Variants in ODF2 observed in about 807,000 individuals in gnomAD.
The protein encoded by ODF2 is outer dense fiber of sperm tails 2, also known as outer dense fiber protein 2.
In ODF2, 47 loss-of-function variants were observed where a neutral mutation model predicts 110.2. The observed-to-expected ratio is 0.43, with a 90% confidence interval of 0.34 to 0.54. ODF2 has a LOEUF of 0.54. Ranked by LOEUF, ODF2 falls within the 20% of genes least tolerant of loss-of-function variation. The pLI is 0.03. For missense variants in ODF2, 812 were observed against 1,054.5 expected (o/e 0.77, Z 3.19); for synonymous variants, 352 against 397.7 (o/e 0.89, Z 1.37).
intron 8 of ODF2, among the ~76,000 whole-genome samples, chr9:128,477,489 C>T (rs377556037): frequency 1.9e-3 from 287 of 152,118 alleles, no homozygotes; most frequent in African/African-American, 5.8e-3. Flanking sequence ...GTCAAGGCTA[C>T]AGTGAGCTGA....
At chr9:128,459,720 C>T (rs1055193280) in intron 3 of ODF2, 63 bp downstream of exon 2, 12 of 1,301,976 alleles carry the variant, frequency 9.2e-6, no homozygotes, top group African/African-American at 2.9e-5. Context: ...TTTTGCACAC[C>T]GTTTCTAGGA....
intron 4 of ODF2, among the ~76,000 whole-genome samples, chr9:128,466,187 CG>C: frequency 6.6e-6 from 1 of 151,708 alleles, no homozygotes; most frequent in East Asian, 1.9e-4. Context: ...GAGGACTGGC[CG>C]GGCCTGGTGT....
chr9:128,455,214 A>C, upstream of ODF2: 3 of 1,535,466 alleles, frequency 2.0e-6, no homozygotes, highest in Non-Finnish European at 2.6e-6. Context: ...ACCAGCAAGG[A>C]CCTCATCAGA....
chr9:128,487,558 C>T (rs868395075), intron 13 of ODF2, among the ~76,000 whole-genome samples: 4 of 151,984 alleles, frequency 2.6e-5, no homozygotes, highest in Admixed American at 6.6e-5. Context: ...GAGGCCGAGG[C>T]GGGCAGATCA....
At chr9:128,460,264 C>T in intron 3 of ODF2, 2 of 1,350,630 alleles carry the variant, frequency 1.5e-6, no homozygotes, top group Non-Finnish European at 1.9e-6. Context: ...GCCCTAAGAA[C>T]CCTGGGGCCG....
chr9:128,461,947 A>G (rs1015368593), intron 4 of ODF2, among the ~76,000 whole-genome samples: 1 of 152,166 alleles, frequency 6.6e-6, no homozygotes, highest in African/African-American at 2.4e-5. Context: ...TGACCAGTAC[A>G]ATAAATTAAA....
rs1845581203 is a variant in ODF2, at chr9:128,496,502, AG to A, written c.2012+362del. 2.0e-5 allele frequency among the ~76,000 whole-genome samples: 3 copies of A among 152,332 alleles called. No homozygotes were observed. The South Asian group carries it at 6.2e-4, about 32-fold the overall frequency. On this transcript the variant is annotated intron_variant, in intron 18 of 20. Transcript: ENST00000604420. ...CCACTCTTTTCTGCCCTTTCTTGCC[AG>A]TCACCCTTCCCAAGACCTTTCTGAT...
At position 128,494,666 on chromosome 9, in the gene ODF2, C is replaced by T. The variant is rs1467401639; in HGVS notation, c.1909C>T (p.Arg637Trp). The T allele has an allele frequency of 5.6e-6, 9 of 1,614,176 alleles. No homozygotes were observed. Among genetic ancestry groups the T allele is most frequent in the Admixed American group, 1.7e-5 (1 of 60,014 alleles). The change falls in exon 17 of 21, where the codon CGG becomes TGG. Residue 637 changes from arginine (R) to tryptophan (W), a missense_variant and splice_region_variant. Coordinates refer to ENST00000604420, the Ensembl canonical transcript of ODF2. This position sits in a 1 kb window ranked among gnomAD's most constrained non-coding sequence, Gnocchi z 4.6. ...AGCCATCATATCAGACCTGCGCAGCCGGGTAAGGGACTGGCAGAAAGGGTC... is the reference window on the plus strand; with the variant it reads ...AGCCATCATATCAGACCTGCGCAGCTGGGTAAGGGACTGGCAGAAAGGGTC...
chr9:128,483,659 T>C (rs543821322), intron 10 of ODF2, among the ~76,000 whole-genome samples: 4 of 150,806 alleles, frequency 2.7e-5, no homozygotes, highest in Non-Finnish European at 5.9e-5. Flanking sequence ...CCGAGGCAGG[T>C]GGATCACTTG....
chr9:128,481,658 A>G lies in ODF2; in HGVS notation c.915+7A>G. On this transcript the variant is annotated splice_region_variant and intron_variant, in intron 9 of 20. Transcript: ENST00000604420. ...GGCCGACTCAGAGAAAGCGGTAACT[A>G]AGGCTGCCCTTGTCTACTCTAGTGG... 1 of 1,612,648 alleles carries G rather than the reference A, an allele frequency of 6.2e-7. No homozygotes were observed. The highest frequency in any genetic ancestry group is 1.1e-5 in the South Asian group (1 of 91,028).
At chr9:128,472,767 CA>C (rs1840344469) in intron 6 of ODF2, 145 bp from the exon 7 acceptor site, 1 of 1,262,794 alleles carries the variant, frequency 7.9e-7, no homozygotes, top group Non-Finnish European at 1.1e-6. Context: ...TTCTGAAGGC[CA>C]CCCAGGCCAG....
In ODF2 at chr9:128,460,785, G is replaced by A. The variant is rs746691903; in HGVS notation, c.124-157G>A. 2.6e-5 allele frequency: 40 copies of A among 1,515,276 alleles called. No homozygotes were observed. In the Middle Eastern group the frequency reaches 1.1e-3, roughly 40 times the overall value. 93.9% of individuals were successfully genotyped at this position (1,515,276 alleles called of 1,614,324 possible). A position where few individuals can be genotyped will look rare whatever the true frequency, so the allele number is the denominator to read the frequency against. ...AGACAAACACACTCTTTCGGAGGCCGGTTTCCTGGTTAGAAGGTAGGCAGG... is the reference window on the plus strand; with the variant it reads ...AGACAAACACACTCTTTCGGAGGCCAGTTTCCTGGTTAGAAGGTAGGCAGG... On this transcript the variant is annotated intron_variant, in intron 3 of 20. Coordinates refer to ENST00000604420, the Ensembl canonical transcript of ODF2.
chr9:128,457,136 T>G, intron 1 of ODF2: 26 of 1,338,526 alleles, frequency 1.9e-5, no homozygotes, highest in East Asian at 1.9e-4. Flanking sequence ...CCCCGTCCCC[T>G]CCCCTTCCTC....
At chr9:128,467,066 T>A (rs1394537838) in intron 4 of ODF2, among the ~76,000 whole-genome samples, 7 of 103,078 alleles carry the variant, frequency 6.8e-5, no homozygotes, top group African/African-American at 2.6e-4. Flanking sequence ...TAGTCATATA[T>A]CAATTAACAA....
At chr9:128,497,441 AAAAAAATATATATATATATATAT>A (rs1210292770) in intron 18 of ODF2, 10 of 90,854 alleles carry the variant, frequency 1.1e-4, no homozygotes, top group African/African-American at 3.9e-4. Context: ...AAAAAAAAAA[AAAAAAATATATATATATATATAT>A]ATATATATAT....
chr9:128,499,891 T>C (rs1038562350), intron 20 of ODF2, among the ~76,000 whole-genome samples, 176 bp from the exon 21 acceptor site: 1 of 152,224 alleles, frequency 6.6e-6, no homozygotes, highest in Non-Finnish European at 1.5e-5. Context: ...ATTATAGGCA[T>C]GAGCCACTGT....
chr9:128,473,126 A>G (rs965660690), intron 7 of ODF2, 84 bp downstream of exon 7: 4 of 1,585,734 alleles, frequency 2.5e-6, no homozygotes, highest in Non-Finnish European at 3.4e-6. Context: ...TTTACGCGTC[A>G]TCAGGCAGAC....
intron 4 of ODF2, among the ~76,000 whole-genome samples, chr9:128,467,874 T>TAATACAA (rs2131647851): frequency 6.6e-6 from 1 of 152,172 alleles, no homozygotes; most frequent in Admixed American, 6.5e-5. Context: ...CACGCCCGGC[T>TAATACAA]AATTTTTTTG....
Position 128,485,585 on chromosome 9 carries a change from C to T in ODF2, c.1400+111C>T, listed in dbSNP as rs935945434. Reference sequence around the variant, plus strand: ...CCACGTGGCTGCTGTTTGTACTCTCCGGGTTGGGGGCTGCACTGGGCTGTG... The same window carrying T: ...CCACGTGGCTGCTGTTTGTACTCTCTGGGTTGGGGGCTGCACTGGGCTGTG... On this transcript the variant is annotated intron_variant, in intron 13 of 20. Coordinates refer to ENST00000604420, the Ensembl canonical transcript of ODF2. The surrounding 1 kb of genome is among the most constrained non-coding windows in gnomAD (Gnocchi z 5.0). The T allele has an allele frequency of 2.6e-5, 17 of 644,048 alleles. No individual in the cohort carries two copies. The highest frequency in any genetic ancestry group is 3.2e-4 in the Middle Eastern group (1 of 3,132). 39.9% of individuals were successfully genotyped at this position (644,048 alleles called of 1,614,324 possible).
Sources: gnomAD v4.1 joint callset for allele counts (sites outside exome capture counted in the v4.1 genomes callset) on GRCh38, gnomAD v4.1.1 for gene constraint, Gnocchi (gnomAD v3.1) non-coding constraint, MANE v1.5 for transcripts, NCBI Gene and HGNC (gene_info 2026-07-23, HGNC 2026-07-21) for gene names.